The following RALGAPA2 variants were observed in gnomAD, a reference collection of about 807,000 sequenced individuals.
RALGAPA2 encodes the protein ral GTPase-activating protein subunit alpha-2.
A neutral mutation model predicts 230.4 loss-of-function variants in RALGAPA2; 139 were observed. The ratio of observed to expected loss-of-function variants is 0.60; its 90% CI spans 0.53 to 0.69. The LOEUF (loss-of-function observed/expected upper bound fraction) is 0.69. RALGAPA2 is among the 30% of genes least tolerant of loss of function. The pLI is 0.00. For synonymous variants in RALGAPA2, 847 were observed against 837.8 expected, an observed-to-expected ratio of 1.01 and a Z score of -0.19; for missense variants, 2,163 against 2,276.0, an observed-to-expected ratio of 0.95 and a Z score of 1.01.
rs1261428444 is a variant in RALGAPA2 at position 20,687,236 on chromosome 20, G to A, written c.107-6435C>T. On this transcript the variant is annotated intron_variant, in intron 1 of 39. Coordinates refer to ENST00000202677, the MANE Select transcript of RALGAPA2 (RefSeq NM_020343.4). ...GTGAGAACAAGGAAAATAATGAAGT[G>A]CAAAAGAACTAGTCAGACACAAGAC... Among the ~76,000 whole-genome samples, 4 of 152,342 alleles carry A rather than the reference G, an allele frequency of 2.6e-5. No individual in the cohort carries two copies. In the East Asian group the frequency reaches 7.7e-4, roughly 29 times the overall value.
At chr20:20,502,049 G>T (rs992170639) in intron 35 of RALGAPA2, among the ~76,000 whole-genome samples, 3 of 152,096 alleles carry the variant, frequency 2.0e-5, no homozygotes, top group Non-Finnish European at 4.4e-5. Context: ...ATGAGATAAT[G>T]ATAATAATAA....
At chr20:20,571,994 CCCAACAGTATT>C in intron 21 of RALGAPA2, 48 bp from the exon 22 acceptor site, 1 of 1,307,092 alleles carries the variant, frequency 7.7e-7, no homozygotes. Flanking sequence ...TTACGTTTAT[CCCAACAGTATT>C]TCAACAGTCT....
At chr20:20,506,860 G>A (rs942268172) in intron 33 of RALGAPA2, among the ~76,000 whole-genome samples, 3 of 152,128 alleles carry the variant, frequency 2.0e-5, no homozygotes, top group African/African-American at 7.2e-5. Flanking sequence ...CAAATAACTG[G>A]AGGAAGAGAG....
At chr20:20,415,951 G>A (rs1359239746) in intron 37 of RALGAPA2, among the ~76,000 whole-genome samples, 1 of 152,112 alleles carries the variant, frequency 6.6e-6, no homozygotes, top group Non-Finnish European at 1.5e-5. Flanking sequence ...CAGCATGACA[G>A]TCAGGAAGGA....
Position 20,512,595 on chromosome 20 carries a change from G to A in RALGAPA2, c.4774C>T (p.Pro1592Ser), listed in dbSNP as rs770516542. Residue 1592 changes from proline to serine, a missense_variant, in exon 32 of 40, where the codon CCC (proline) becomes TCC (serine). Coordinates refer to ENST00000202677, the MANE Select transcript of RALGAPA2 (RefSeq NM_020343.4). ...GGTCCTCGGGGCTCCACTGGGGAGGGCTGCCCTTGGCTGGTGACTTTCATT... is the reference window on the plus strand; with the variant it reads ...GGTCCTCGGGGCTCCACTGGGGAGGACTGCCCTTGGCTGGTGACTTTCATT... ...SAMKVTSQGQ[P>S]SPVEPRGPFY... 1.2e-6 allele frequency: 2 copies of A among 1,613,816 alleles called. No individual in the cohort carries two copies. The highest frequency in any genetic ancestry group is 3.3e-5 in the Admixed American group (2 of 60,020).
intron 37 of RALGAPA2, among the ~76,000 whole-genome samples, chr20:20,415,445 C>G (rs2060146495): frequency 6.6e-6 from 1 of 152,198 alleles, no homozygotes; most frequent in Non-Finnish European, 1.5e-5. Flanking sequence ...TGAAAAGCCA[C>G]ACACAACAAA....
At chr20:20,419,092 C>T (rs1028022137) in intron 37 of RALGAPA2, among the ~76,000 whole-genome samples, 15 of 152,044 alleles carry the variant, frequency 9.9e-5, no homozygotes, top group Non-Finnish European at 1.5e-4. Context: ...GGGCTACACA[C>T]ATATGTAGGA....
At chr20:20,394,775 C>T (rs1259971879) in intron 39 of RALGAPA2, among the ~76,000 whole-genome samples, 9 of 150,296 alleles carry the variant, frequency 6.0e-5, no homozygotes, top group Non-Finnish European at 1.2e-4. Context: ...GTGGTGGGCA[C>T]TGGCATTTAA....
rs373978710 is a variant in RALGAPA2, at chr20:20,623,728, C to T, written c.1234-3098G>A. 1.8e-4 allele frequency among the ~76,000 whole-genome samples: 27 copies of T among 152,308 alleles called. 1 individual carries two copies. The highest frequency in any genetic ancestry group is 6.5e-4 in the African/African-American group (27 of 41,560). On this transcript the variant is annotated intron_variant, in intron 10 of 39. Coordinates refer to ENST00000202677, the MANE Select transcript of RALGAPA2 (RefSeq NM_020343.4). ...TCTCTCCTTAGCTGCATCTAATCTA[C>T]AATTAAACTTATCCATTTAGGTTTT...
intron 1 of RALGAPA2, among the ~76,000 whole-genome samples, chr20:20,694,438 A>C (rs16982080): frequency 0.01 from 1,541 of 152,308 alleles, 24 homozygotes; most frequent in African/African-American, 0.035. Flanking sequence ...ACCTCCAGGA[A>C]ATCATCATAT....
At chr20:20,627,493 T>G (rs553203891) in intron 10 of RALGAPA2, among the ~76,000 whole-genome samples, 1 of 151,998 alleles carries the variant, frequency 6.6e-6, no homozygotes, top group East Asian at 1.9e-4. Context: ...TCAGTGACAA[T>G]GTAGACACTG....
At chr20:20,572,737 G>T in intron 21 of RALGAPA2, 138 bp downstream of exon 21, 1 of 727,786 alleles carries the variant, frequency 1.4e-6, no homozygotes, top group Admixed American at 3.5e-5. Flanking sequence ...ATTATTCTTT[G>T]ATAATCAAAT....
At chr20:20,523,027 C>T (rs2063091799) in intron 30 of RALGAPA2, among the ~76,000 whole-genome samples, 1 of 151,594 alleles carries the variant, frequency 6.6e-6, no homozygotes. Context: ...ATTTCAACCA[C>T]AATTAGGTGT....
chr20:20,482,811 T>C (rs1319254063), intron 36 of RALGAPA2, among the ~76,000 whole-genome samples: 1 of 152,148 alleles, frequency 6.6e-6, no homozygotes, highest in East Asian at 1.9e-4. Flanking sequence ...GGAATAGGTA[T>C]GTACGGAAAT....
Position 20,571,440 on chromosome 20 carries a change from A to G in RALGAPA2, c.3156+18T>C. 6.2e-7 allele frequency: 1 copy of G among 1,600,670 alleles called. No homozygotes were observed. The highest frequency in any genetic ancestry group is 8.5e-7 in the Non-Finnish European group (1 of 1,171,976). On this transcript the variant is annotated intron_variant, in intron 23 of 39. Coordinates refer to ENST00000202677, the MANE Select transcript of RALGAPA2 (RefSeq NM_020343.4). ...TTTCCAATTAATGGGCAATCACAAT[A>G]AAGGAGTCGCAGAATACCTGATCCT...
Position 20,692,931 on chromosome 20 carries a change from T to A in RALGAPA2, c.107-12130A>T, listed in dbSNP as rs138539269. Reference sequence around the variant, plus strand: ...TACTTGCTTATATTTGAGTTTTTTGTTACTTACAACCAAAAATATCCTTGT... The same window carrying A: ...TACTTGCTTATATTTGAGTTTTTTGATACTTACAACCAAAAATATCCTTGT... On this transcript the variant is annotated intron_variant, in intron 1 of 39. Coordinates refer to ENST00000202677, the MANE Select transcript of RALGAPA2 (RefSeq NM_020343.4). Among the ~76,000 whole-genome samples, 539 of 152,360 alleles carry A rather than the reference T, an allele frequency of 3.5e-3. 4 individuals carry two copies. The highest frequency in any genetic ancestry group is 0.013 in the African/African-American group (526 of 41,582).
In RALGAPA2 at chr20:20,486,590, T is replaced by A. The variant is rs1327516546; in HGVS notation, c.5367+8527A>T. Among the ~76,000 whole-genome samples the A allele has an allele frequency of 3.3e-5, 5 of 152,172 alleles. 1 individual carries two copies. Among genetic ancestry groups the A allele is most frequent in the Admixed American group, 3.3e-4 (5 of 15,276 alleles). ...TGTCTAGGTATAGACATTTTGATAT[T>A]TATTCTGCTTGGTGTTCCTGGTGCT... On this transcript the variant is annotated intron_variant, in intron 36 of 39. Coordinates refer to ENST00000202677, the MANE Select transcript of RALGAPA2 (RefSeq NM_020343.4).
chr20:20,510,674 A>C (rs1156689916), intron 33 of RALGAPA2, among the ~76,000 whole-genome samples: 1 of 152,200 alleles, frequency 6.6e-6, no homozygotes, highest in East Asian at 1.9e-4. Flanking sequence ...CAAATCAAAC[A>C]CTTTTCATGG....
At chr20:20,474,355 G>C (rs1349662217) in intron 36 of RALGAPA2, among the ~76,000 whole-genome samples, 2 of 152,354 alleles carry the variant, frequency 1.3e-5, no homozygotes, top group East Asian at 3.9e-4. Flanking sequence ...TGCTTTATAG[G>C]AAGTTTTAAG....
Sources: gnomAD v4.1 joint callset for allele counts (sites outside exome capture counted in the v4.1 genomes callset) on GRCh38, gnomAD v4.1.1 for gene constraint, MANE v1.5 for transcripts, NCBI Gene and HGNC (gene_info 2026-07-23, HGNC 2026-07-21) for gene names.